Variants in MTMR12 observed in about 807,000 individuals in gnomAD.
MTMR12 encodes the protein myotubularin-related protein 12.
A neutral mutation model predicts 96.7 loss-of-function variants in MTMR12; 33 were observed. The ratio of observed to expected loss-of-function variants is 0.34; its 90% CI spans 0.26 to 0.46. The LOEUF (loss-of-function observed/expected upper bound fraction) is 0.46, where lower values mean the gene tolerates loss of function less well. MTMR12 is among the 20% of genes least tolerant of loss of function. The pLI is 1.00. For missense variants in MTMR12, 721 were observed against 896.1 expected (o/e 0.80, Z 2.49); for synonymous variants, 298 against 327.2 (o/e 0.91, Z 0.96).
At chr5:32,298,902 G>A (rs1289281523) in intron 1 of MTMR12, among the ~76,000 whole-genome samples, 2 of 147,724 alleles carry the variant, frequency 1.4e-5, no homozygotes, top group Admixed American at 6.8e-5. Context: ...GCAGTGAGCC[G>A]AGATCGCGCC....
intron 1 of MTMR12, among the ~76,000 whole-genome samples, chr5:32,283,571 T>A (rs1233035652): frequency 1.3e-5 from 2 of 152,140 alleles, no homozygotes; most frequent in East Asian, 3.9e-4. Flanking sequence ...CCTGGCCCAG[T>A]CTGCATTCTT....
At chr5:32,269,916 G>C (rs1322309733) in intron 5 of MTMR12, among the ~76,000 whole-genome samples, 2 of 152,170 alleles carry the variant, frequency 1.3e-5, no homozygotes, top group African/African-American at 4.8e-5. Flanking sequence ...TGAAGTTTCT[G>C]CCTTCTCAGG....
intron 1 of MTMR12, among the ~76,000 whole-genome samples, chr5:32,300,098 A>T (rs921432702): frequency 2.0e-5 from 3 of 152,192 alleles, no homozygotes; most frequent in Non-Finnish European, 4.4e-5. Context: ...GAGAAGGTGA[A>T]GCTCCTGAGT....
At chr5:32,271,738 T>A (rs1237266595) in intron 4 of MTMR12, 95 bp downstream of exon 4, 23 of 758,194 alleles carry the variant, frequency 3.0e-5, no homozygotes, top group Non-Finnish European at 4.0e-5. Flanking sequence ...TGTGAAAAAA[T>A]TTTTAAAAAT....
At chr5:32,295,349 G>A (rs1182178499) in intron 1 of MTMR12, among the ~76,000 whole-genome samples, 2 of 152,240 alleles carry the variant, frequency 1.3e-5, no homozygotes, top group Non-Finnish European at 2.9e-5. Context: ...GAGGCTAACT[G>A]ACAACGTCTG....
intron 12 of MTMR12, 23 bp downstream of exon 12, chr5:32,242,034 C>T: frequency 1.3e-6 from 2 of 1,580,444 alleles, no homozygotes; most frequent in Non-Finnish European, 1.7e-6. Flanking sequence ...TGGAAATCAT[C>T]CTTTGTGCTT....
intron 15 of MTMR12, among the ~76,000 whole-genome samples, chr5:32,231,522 A>T (rs1267457385): frequency 6.6e-6 from 1 of 152,220 alleles, no homozygotes; most frequent in Admixed American, 6.5e-5. Flanking sequence ...ATTTGAAGTA[A>T]GAAGAGATAA....
intron 4 of MTMR12, 92 bp downstream of exon 4, chr5:32,271,741 T>C (rs1159945933): frequency 1.3e-6 from 1 of 780,300 alleles, no homozygotes; most frequent in Non-Finnish European, 1.9e-6. Flanking sequence ...GAAAAAATTT[T>C]TAAAAATTAT....
At chr5:32,253,707 C>T (rs746464553) in intron 8 of MTMR12, among the ~76,000 whole-genome samples, 12 of 152,206 alleles carry the variant, frequency 7.9e-5, no homozygotes, top group Admixed American at 1.3e-4. Context: ...ACTGCAGCTT[C>T]GAACTCCTGG....
At chr5:32,299,201 T>A (rs1243042737) in intron 1 of MTMR12, among the ~76,000 whole-genome samples, 1 of 152,166 alleles carries the variant, frequency 6.6e-6, no homozygotes, top group African/African-American at 2.4e-5. Context: ...TTTCCACAGA[T>A]TGCATCACTT....
At chr5:32,237,670 C>T (rs1347275517) in intron 13 of MTMR12, among the ~76,000 whole-genome samples, 1 of 152,026 alleles carries the variant, frequency 6.6e-6, no homozygotes, top group African/African-American at 2.4e-5. Flanking sequence ...GCCACCACAC[C>T]CGGCTAATTT....
Position 32,238,990 on chromosome 5 carries a change from A to G in MTMR12, c.1344+11T>C. On this transcript the variant is annotated intron_variant, in intron 13 of 15. Coordinates refer to ENST00000382142, the MANE Select transcript of MTMR12 (RefSeq NM_001040446.3). ...CCTATGACGGAAACAGTCTGCAGTG[A>G]GGGAACTCACCTCCTCTTTGTCGTT... 6.3e-7 allele frequency: 1 copy of G among 1,576,712 alleles called. No individual in the cohort carries two copies. The highest frequency in any genetic ancestry group is 8.6e-7 in the Non-Finnish European group (1 of 1,156,944).
intron 6 of MTMR12, among the ~76,000 whole-genome samples, chr5:32,268,153 C>T (rs981460904): frequency 2.0e-5 from 3 of 151,856 alleles, no homozygotes; most frequent in Admixed American, 6.6e-5. Flanking sequence ...TTTCATAAAA[C>T]GCAACCAATC....
chr5:32,285,300 G>A (rs1283093179), intron 1 of MTMR12, among the ~76,000 whole-genome samples: 4 of 150,920 alleles, frequency 2.7e-5, no homozygotes, highest in Non-Finnish European at 5.9e-5. Flanking sequence ...GGAGGTTGCA[G>A]TGAGCCAAGA....
chr5:32,258,050 C>G (rs1339983221), intron 7 of MTMR12, among the ~76,000 whole-genome samples: 1 of 151,932 alleles, frequency 6.6e-6, no homozygotes, highest in East Asian at 1.9e-4. Context: ...TCGCTTGAGC[C>G]CAGGGGGTAG....
In MTMR12 at chr5:32,263,097, A is replaced by T. The variant is rs377726335; in HGVS notation, c.713+16T>A. 6.2e-7 allele frequency: 1 copy of T among 1,613,952 alleles called. No homozygotes were observed. The highest frequency in any genetic ancestry group is 1.7e-5 in the Admixed American group (1 of 59,998). ...TGGGTGAATTGTACAGCATGTGCCC[A>T]GCATGGAAAGCTTACCTCTCACAGA... On this transcript the variant is annotated intron_variant, in intron 7 of 15. Coordinates refer to ENST00000382142, the MANE Select transcript of MTMR12 (RefSeq NM_001040446.3).
chr5:32,262,079 AT>A (rs1224240381), intron 7 of MTMR12, among the ~76,000 whole-genome samples: 2 of 152,106 alleles, frequency 1.3e-5, no homozygotes, highest in Admixed American at 1.3e-4. Flanking sequence ...CTTAAAATGA[AT>A]AATAAATAAG....
rs1216338879 is a variant in MTMR12, at chr5:32,266,097, T to TG, written c.583+2603dup. ...TAAGCCTACCAGATGCTCCACTATC[T>TG]GCTAAGGCCCAGACTTTTCCCCTCG... is the stretch of plus-strand genomic sequence containing the variant. On this transcript the variant is annotated intron_variant, in intron 6 of 15. Transcript: ENST00000382142. Among the ~76,000 whole-genome samples the TG allele has an allele frequency of 3.3e-5, 5 of 152,334 alleles. No individual in the cohort carries two copies. In the East Asian group the frequency reaches 9.6e-4, roughly 29 times the overall value.
In MTMR12 at chr5:32,248,121, T is replaced by G. The variant is rs1183370670; in HGVS notation, c.902A>C (p.Tyr301Ser). ...ATAGGGTGGCCTGTGGATGGTCTTG[T>G]AAATTCTAGGTATCAAAAAGGAATA... ...QIQKSFLDGI[Y>S]KTIHRPPYEI... Residue 301 changes from tyrosine (Y) to serine (S), a missense_variant, in exon 10 of 16, where the codon TAC (tyrosine) becomes TCC (serine). Coordinates refer to ENST00000382142, the MANE Select transcript of MTMR12 (RefSeq NM_001040446.3). 2 of 1,613,380 alleles carry G rather than the reference T, an allele frequency of 1.2e-6. No individual in the cohort carries two copies. The highest frequency in any genetic ancestry group is 4.5e-5 in the East Asian group (2 of 44,882).
Sources: allele counts gnomAD v4.1 joint callset (sites outside exome capture counted in the v4.1 genomes callset), GRCh38; gene constraint gnomAD v4.1.1; transcripts MANE v1.5; gene names NCBI Gene and HGNC (gene_info 2026-07-23, HGNC 2026-07-21).